The following HECTD4 variants were observed in gnomAD, a reference collection of about 807,000 sequenced individuals.
The protein encoded by HECTD4 is HECT domain E3 ubiquitin protein ligase 4.
Under a neutral mutation model 471.5 loss-of-function variants are expected in HECTD4, and 114 were observed. That is an observed-to-expected ratio of 0.24 (90% CI 0.21 to 0.28). The LOEUF (loss-of-function observed/expected upper bound fraction) is 0.28. Ranked by LOEUF, HECTD4 falls within the 10% of genes least tolerant of loss-of-function variation. HECTD4 has a pLI of 1.00. For missense variants in HECTD4, 3,866 were observed against 5,651.5 expected (o/e 0.68, Z 10.13); for synonymous variants, 2,012 against 2,256.0 (o/e 0.89, Z 3.07).
In HECTD4 at chr12:112,243,883, G is replaced by C; in HGVS notation, c.4640C>G (p.Ala1547Gly). 1.9e-6 allele frequency: 3 copies of C among 1,613,990 alleles called. No homozygotes were observed. Among genetic ancestry groups the C allele is most frequent in the Non-Finnish European group, 2.5e-6 (3 of 1,179,888 alleles). The change falls in exon 30 of 76, where the codon GCA becomes GGA. Residue 1547 changes from alanine (A) to glycine (G), a missense_variant. Transcript: ENST00000682272. This position sits in a 1 kb window ranked among gnomAD's most constrained non-coding sequence, Gnocchi z 6.6. ...IGNEDLEFTR[A>G]NQRRRHVTSH... ...GCCATTAGCCATTTACCTCTGATTT[G>C]CTCTAGTAAATTCCAAATCTTCATT...
In HECTD4 at chr12:112,179,562, G is replaced by A. The variant is rs991458885; in HGVS notation, c.10988-165C>T. On this transcript the variant is annotated intron_variant, in intron 62 of 75. Transcript: ENST00000682272. The surrounding 1 kb of genome is among the most constrained non-coding windows in gnomAD (Gnocchi z 4.3). Reference sequence around the variant, plus strand: ...TGGCTCCCTCCCTGGGCACAGCCCAGCACATGCCCAGCCTTCCTTGCCGTA... The same window carrying A: ...TGGCTCCCTCCCTGGGCACAGCCCAACACATGCCCAGCCTTCCTTGCCGTA... Among the ~76,000 whole-genome samples the A allele has an allele frequency of 6.6e-6, 1 of 152,264 alleles. No individual in the cohort carries two copies. Among genetic ancestry groups the A allele is most frequent in the African/African-American group, 2.4e-5 (1 of 41,474 alleles).
intron 1 of HECTD4, among the ~76,000 whole-genome samples, chr12:112,366,108 C>T (rs1327517437): frequency 6.6e-6 from 1 of 151,966 alleles, no homozygotes; most frequent in Non-Finnish European, 1.5e-5. Flanking sequence ...TATAAGATAC[C>T]AATACTAACA....
chr12:112,252,345 C>T (rs2033909846), intron 23 of HECTD4, 79 bp downstream of exon 23: 3 of 1,412,596 alleles, frequency 2.1e-6, no homozygotes, highest in South Asian at 1.6e-5. Flanking sequence ...GCCCTGTTTC[C>T]AAGGCAAATA....
intron 1 of HECTD4, among the ~76,000 whole-genome samples, chr12:112,333,397 G>A (rs1412964038): frequency 6.6e-6 from 1 of 152,150 alleles, no homozygotes; most frequent in Non-Finnish European, 1.5e-5. Flanking sequence ...CATCCTAGTG[G>A]GTGTGAAGTG....
intron 26 of HECTD4, 62 bp from the exon 27 acceptor site, chr12:112,248,233 A>G: frequency 2.6e-6 from 4 of 1,524,478 alleles, no homozygotes; most frequent in Non-Finnish European, 3.6e-6. Context: ...TTTTAGTCAC[A>G]ATAGTAATTT....
At chr12:112,377,955 A>G (rs1338128385) in intron 1 of HECTD4, among the ~76,000 whole-genome samples, 1 of 152,242 alleles carries the variant, frequency 6.6e-6, no homozygotes, top group Non-Finnish European at 1.5e-5. Flanking sequence ...TTAAATTAAA[A>G]TACTAAATTC....
intron 7 of HECTD4, among the ~76,000 whole-genome samples, chr12:112,301,147 A>T (rs1594025453): frequency 6.6e-6 from 1 of 150,612 alleles, no homozygotes; most frequent in Non-Finnish European, 1.5e-5. Flanking sequence ...CGGCCTCCCA[A>T]AGTGCTGGGA....
Position 112,264,198 on chromosome 12 carries a change from G to A in HECTD4, c.2634C>T (p.Cys878=), listed in dbSNP as rs756899432. The A allele has an allele frequency of 2.5e-6, 4 of 1,595,500 alleles. No individual in the cohort carries two copies. The highest frequency in any genetic ancestry group is 2.7e-5 in the African/African-American group (2 of 74,608). Reference sequence around the variant, plus strand: ...TCTGAACTGCCATCAGATAGCGCAGGCAGGAGGATGCAGCCTTTAATACAA... The same window carrying A: ...TCTGAACTGCCATCAGATAGCGCAGACAGGAGGATGCAGCCTTTAATACAA... ...LLSTVPAASS[C]LRYLMAVQNH... is the part of the protein sequence containing the mutation. The change falls in exon 17 of 76, where the codon TGC becomes TGT. Residue 878 remains cysteine, a synonymous_variant. Coordinates refer to ENST00000682272, the MANE Select transcript of HECTD4 (RefSeq NM_001388303.1).
At chr12:112,279,952 T>G (rs1383148174) in intron 8 of HECTD4, among the ~76,000 whole-genome samples, 4 of 152,236 alleles carry the variant, frequency 2.6e-5, no homozygotes, top group Non-Finnish European at 5.9e-5. Flanking sequence ...AGTGAGAACA[T>G]TTCCTTTGAG....
At position 112,319,534 on chromosome 12, in the gene HECTD4, C is replaced by A; in HGVS notation, c.386G>T (p.Arg129Leu). 1 of 1,452,662 alleles carries A rather than the reference C, an allele frequency of 6.9e-7. No individual in the cohort carries two copies. The highest frequency in any genetic ancestry group is 1.4e-5 in the South Asian group (1 of 69,540). The allele number at this position is 1,452,662 out of a possible 1,614,324, so 90.0% of individuals were successfully genotyped here. Residue 129 changes from arginine to leucine, a missense_variant, in exon 2 of 76, where the codon CGC becomes CTC. Transcript: ENST00000682272. This position sits in a 1 kb window ranked among gnomAD's most constrained non-coding sequence, Gnocchi z 5.3. ...CTCAGGTTGCTGCAACAAGCCCTGGCGTTTGAGCAGGGCCAAAGTTTCCTC... is the reference window on the plus strand; with the variant it reads ...CTCAGGTTGCTGCAACAAGCCCTGGAGTTTGAGCAGGGCCAAAGTTTCCTC... The part of the protein sequence containing the change: ...GDEETLALLK[R>L]QGLLQQPEQA...
At chr12:112,231,330 A>G in intron 39 of HECTD4, 183 bp downstream of exon 39, 1 of 612,550 alleles carries the variant, frequency 1.6e-6, no homozygotes, top group Non-Finnish European at 2.9e-6. Flanking sequence ...CCTCAGATCT[A>G]CCTGGATGGT....
At chr12:112,207,768 T>C in intron 52 of HECTD4, 106 bp downstream of exon 52, 1 of 1,274,288 alleles carries the variant, frequency 7.8e-7, no homozygotes, top group Non-Finnish European at 1.1e-6. Flanking sequence ...CTGTTAAGTA[T>C]GGTGCAACAT....
intron 62 of HECTD4, among the ~76,000 whole-genome samples, chr12:112,180,667 A>G (rs1395748126): frequency 6.6e-6 from 1 of 152,242 alleles, no homozygotes; most frequent in African/African-American, 2.4e-5. Context: ...TAAAAGAAAC[A>G]GGAACTAGAA....
Position 112,331,081 on chromosome 12 carries a change from G to GC in HECTD4, c.178-11340_178-11339insG, listed in dbSNP as rs1566114472. Among the ~76,000 whole-genome samples, 3 of 151,470 alleles carry GC rather than the reference G, an allele frequency of 2.0e-5. No individual in the cohort carries two copies. In the South Asian group the frequency reaches 6.3e-4, roughly 32 times the overall value. Reference sequence around the variant, plus strand: ...GTTCTGGTGTGTTTTGGTTTGTTTTGTTTTTTTTGAGATGGAGTCTCGCTG... The same window carrying GC: ...GTTCTGGTGTGTTTTGGTTTGTTTTGCTTTTTTTTGAGATGGAGTCTCGCTG... On this transcript the variant is annotated intron_variant, in intron 1 of 75. Transcript: ENST00000682272.
chr12:112,243,517 C>T lies in HECTD4; in HGVS notation c.4794G>A (p.Val1598=), dbSNP rs755486330. The part of the protein sequence containing the change: ...AFIGTNPDQA[V]SSSSFLLAAQ... ...CAGCCAAAAGGAAACTGCTGCTGGA[C>T]ACCTGAAACACACAAGGAGGGACAC... The change falls in exon 32 of 76, where the codon GTG becomes GTA. Residue 1598 remains valine, a splice_region_variant and synonymous_variant. Coordinates refer to ENST00000682272, the MANE Select transcript of HECTD4 (RefSeq NM_001388303.1). The surrounding 1 kb of genome is among the most constrained non-coding windows in gnomAD (Gnocchi z 6.6). 17 of 1,603,778 alleles carry T rather than the reference C, an allele frequency of 1.1e-5. No homozygotes were observed. The highest frequency in any genetic ancestry group is 9.0e-5 in the East Asian group (4 of 44,390).
At position 112,203,710 on chromosome 12, in the gene HECTD4, C is replaced by T. The variant is rs1183118449; in HGVS notation, c.8332G>A (p.Ala2778Thr). The T allele has an allele frequency of 6.2e-7, 1 of 1,612,812 alleles. No homozygotes were observed. The highest frequency in any genetic ancestry group is 8.5e-7 in the Non-Finnish European group (1 of 1,179,272). The change falls in exon 54 of 76, where the codon GCT becomes ACT. Residue 2778 changes from alanine to threonine, a missense_variant. Physicochemically the swap from Ala to Thr is moderately conservative, Grantham distance 58. Transcript: ENST00000682272. ...CCTCGGATGGCAAATTTTGGCAGAG[C>T]AGTTCCAACAGCACTGCTGGCTACA... Reference protein sequence around the residue: ...NNVASSAVGTALPKFAIRGML... With the variant: ...NNVASSAVGTTLPKFAIRGML...
Position 112,308,239 on chromosome 12 carries a change from C to T in HECTD4, c.1164+514G>A, listed in dbSNP as rs542543441. ...TGGTCAGTGAAGTCAGACAGAAAAGCAGGTAACTGCAGTATAATACAGCAA... is the reference window on the plus strand; with the variant it reads ...TGGTCAGTGAAGTCAGACAGAAAAGTAGGTAACTGCAGTATAATACAGCAA... On this transcript the variant is annotated intron_variant, in intron 6 of 75. Coordinates refer to ENST00000682272, the MANE Select transcript of HECTD4 (RefSeq NM_001388303.1). Among the ~76,000 whole-genome samples, 59 of 152,206 alleles carry T rather than the reference C, an allele frequency of 3.9e-4. 1 individual carries two copies. Among genetic ancestry groups the T allele is most frequent in the Non-Finnish European group, 7.4e-4 (50 of 68,008 alleles).
chr12:112,241,649 A>C (rs1439077346), intron 32 of HECTD4, among the ~76,000 whole-genome samples: 1 of 152,042 alleles, frequency 6.6e-6, no homozygotes, highest in East Asian at 1.9e-4. Context: ...TTGTAGAGAC[A>C]GGGTCTCACT....
intron 62 of HECTD4, among the ~76,000 whole-genome samples, chr12:112,181,499 G>A (rs754182825): frequency 1.6e-4 from 24 of 152,262 alleles, no homozygotes; most frequent in Non-Finnish European, 2.5e-4. Flanking sequence ...TAAAGATGGG[G>A]TCACCCAGGT....
Sources: allele counts gnomAD v4.1 joint callset (sites outside exome capture counted in the v4.1 genomes callset), GRCh38; gene constraint gnomAD v4.1.1; non-coding constraint Gnocchi (gnomAD v3.1); transcripts MANE v1.5; gene names NCBI Gene and HGNC (gene_info 2026-07-23, HGNC 2026-07-21).